The following OPCML variants were observed in gnomAD, a reference collection of about 807,000 sequenced individuals.
OPCML encodes the protein opioid-binding protein/cell adhesion molecule.
A neutral mutation model predicts 37.8 loss-of-function variants in OPCML; 13 were observed. The observed-to-expected ratio is 0.34, with a 90% CI of 0.22 to 0.55. The LOEUF is 0.55. OPCML is among the 20% of genes least tolerant of loss of function. The pLI is 0.91. For synonymous variants in OPCML, 176 were observed against 168.8 expected (o/e 1.04, Z -0.33); for missense variants, 341 against 435.6 (o/e 0.78, Z 1.93).
At chr11:133,425,647 C>T (rs1454385751) in intron 1 of OPCML, among the ~76,000 whole-genome samples, 1 of 152,206 alleles carries the variant, frequency 6.6e-6, no homozygotes, top group Non-Finnish European at 1.5e-5. Flanking sequence ...AGTCCTGCAT[C>T]TTCAGTGCCA....
intron 1 of OPCML, among the ~76,000 whole-genome samples, chr11:133,278,070 G>T (rs543909293): frequency 6.6e-6 from 1 of 152,250 alleles, no homozygotes; most frequent in Non-Finnish European, 1.5e-5. Context: ...AAAGTGAGCC[G>T]GGGACACCTT....
chr11:133,531,896 A>G (rs1319790536), intron 1 of OPCML, among the ~76,000 whole-genome samples: 2 of 152,154 alleles, frequency 1.3e-5, no homozygotes. Flanking sequence ...CAACATAGGC[A>G]GCAAGAAGGA....
intron 1 of OPCML, chr11:133,008,509 A>G: frequency 1.2e-6 from 1 of 853,208 alleles, no homozygotes; most frequent in Non-Finnish European, 1.4e-6. Flanking sequence ...TCCAGGTGCC[A>G]GGAATATTCG....
chr11:133,213,188 C>A (rs1939436173), intron 1 of OPCML, among the ~76,000 whole-genome samples: 1 of 148,830 alleles, frequency 6.7e-6, no homozygotes, highest in Non-Finnish European at 1.5e-5. Flanking sequence ...TGTTCTAAAA[C>A]ATGGGCAATA....
chr11:132,590,127 G>C (rs1369549171), intron 3 of OPCML, among the ~76,000 whole-genome samples: 2 of 151,988 alleles, frequency 1.3e-5, no homozygotes, highest in African/African-American at 4.8e-5. Context: ...TATCTTCCTA[G>C]TTCTGCAGGG....
chr11:132,547,943 G>A (rs2096372561), intron 3 of OPCML, among the ~76,000 whole-genome samples: 1 of 152,134 alleles, frequency 6.6e-6, no homozygotes. Flanking sequence ...TGCTCCTAAG[G>A]GTGTAAAAAT....
At chr11:132,618,232 G>A (rs952471241) in intron 3 of OPCML, among the ~76,000 whole-genome samples, 1 of 152,176 alleles carries the variant, frequency 6.6e-6, no homozygotes, top group Admixed American at 6.5e-5. Context: ...TTTTTAGTTT[G>A]GAGGGAGCTA....
chr11:133,129,308 A>C (rs1949568043), intron 1 of OPCML, among the ~76,000 whole-genome samples: 1 of 152,200 alleles, frequency 6.6e-6, no homozygotes, highest in Non-Finnish European at 1.5e-5. Context: ...GGAGAGGGTT[A>C]GTAGTAGCAG....
intron 2 of OPCML, among the ~76,000 whole-genome samples, chr11:132,831,650 A>T (rs1940696744): frequency 6.6e-6 from 1 of 151,910 alleles, no homozygotes; most frequent in Non-Finnish European, 1.5e-5. Flanking sequence ...TGACCACTCG[A>T]GACATTTTCA....
At chr11:132,892,745 C>T (rs182044442) in intron 2 of OPCML, among the ~76,000 whole-genome samples, 22 of 151,438 alleles carry the variant, frequency 1.5e-4, no homozygotes, top group South Asian at 4.2e-4. Flanking sequence ...CCAGCCTGGG[C>T]GACAAGAGCA....
intron 1 of OPCML, among the ~76,000 whole-genome samples, chr11:133,150,298 A>G (rs1004133723): frequency 6.6e-6 from 1 of 152,164 alleles, no homozygotes; most frequent in African/African-American, 2.4e-5. Context: ...GGATGGTCTC[A>G]CCCTTTCCTC....
At chr11:132,499,489 C>G (rs2508934) in intron 4 of OPCML, among the ~76,000 whole-genome samples, 41,857 of 152,072 alleles carry the variant, frequency 0.28, 6,440 homozygotes, top group East Asian at 0.62. Context: ...CTGCAGAGGG[C>G]AGAACCAGCT....
intron 1 of OPCML, among the ~76,000 whole-genome samples, chr11:133,202,092 T>C (rs924291972): frequency 8.5e-5 from 13 of 152,066 alleles, no homozygotes; most frequent in African/African-American, 2.9e-4. Context: ...TGTGAAAAGA[T>C]AGACATAAAG....
intron 1 of OPCML, among the ~76,000 whole-genome samples, chr11:133,068,501 C>G (rs1046628748): frequency 2.0e-5 from 3 of 152,204 alleles, no homozygotes; most frequent in Non-Finnish European, 4.4e-5. Flanking sequence ...GTGCTCTGTT[C>G]TCTCATCGCT....
intron 3 of OPCML, among the ~76,000 whole-genome samples, chr11:132,627,366 C>T (rs1939812615): frequency 1.3e-5 from 2 of 152,124 alleles, no homozygotes; most frequent in African/African-American, 4.8e-5. Context: ...GGTGTTTTAG[C>T]CATAATTCCT....
At chr11:133,102,309 A>C (rs1379224049) in intron 1 of OPCML, among the ~76,000 whole-genome samples, 1 of 152,180 alleles carries the variant, frequency 6.6e-6, no homozygotes, top group Non-Finnish European at 1.5e-5. Context: ...GAACAGGGGC[A>C]GATGGTATAT....
chr11:133,458,075 G>A (rs1345191571), intron 1 of OPCML, among the ~76,000 whole-genome samples: 2 of 151,894 alleles, frequency 1.3e-5, no homozygotes, highest in Admixed American at 6.6e-5. Context: ...GAACCCAGGA[G>A]GCAGAGGTTG....
At chr11:133,503,519 C>T (rs558312053) in intron 1 of OPCML, among the ~76,000 whole-genome samples, 1 of 152,302 alleles carries the variant, frequency 6.6e-6, no homozygotes, top group East Asian at 1.9e-4. Context: ...AGAGTGTGTG[C>T]AACTGGCAAC....
intron 2 of OPCML, among the ~76,000 whole-genome samples, chr11:132,940,986 C>T (rs939145883): frequency 1.3e-4 from 19 of 151,308 alleles, no homozygotes; most frequent in African/African-American, 2.2e-4. Flanking sequence ...ATAGAAGAGA[C>T]GCAAAATCAA....
Sources: gnomAD v4.1 joint callset for allele counts (sites outside exome capture counted in the v4.1 genomes callset) on GRCh38, gnomAD v4.1.1 for gene constraint, MANE v1.5 for transcripts, NCBI Gene and HGNC (gene_info 2026-07-23, HGNC 2026-07-21) for gene names.